Variants in NAALADL2 observed in about 807,000 individuals in gnomAD.
NAALADL2 encodes the protein N-acetylated alpha-linked acidic dipeptidase like 2, also known as inactive N-acetylated-alpha-linked acidic dipeptidase-like protein 2.
A neutral mutation model predicts 87.2 loss-of-function variants in NAALADL2; 76 were observed. The ratio of observed to expected loss-of-function variants is 0.87; its 90% CI spans 0.72 to 1.05. NAALADL2 has a LOEUF of 1.05. Among genes scored for constraint, NAALADL2 ranks in the 50% least tolerant of loss-of-function variants. NAALADL2 has a pLI of 0.00. For missense variants in NAALADL2, 1,089 were observed against 945.8 expected (o/e 1.15, Z -1.99); for synonymous variants, 354 against 331.0 (o/e 1.07, Z -0.75).
chr3:175,388,473 G>A (rs1410743716), intron 5 of NAALADL2, among the ~76,000 whole-genome samples: 1 of 152,100 alleles, frequency 6.6e-6, no homozygotes, highest in East Asian at 1.9e-4. Context: ...GATGTTGAGT[G>A]AAATTATATA....
chr3:174,808,178 A>T (rs915528002), intron 3 of NAALADL2, among the ~76,000 whole-genome samples: 2 of 152,152 alleles, frequency 1.3e-5, no homozygotes, highest in Non-Finnish European at 2.9e-5. Context: ...ATCATTTGCC[A>T]TGAACAAATT....
chr3:174,888,243 T>C (rs975264510), intron 1 of NAALADL2, among the ~76,000 whole-genome samples: 3 of 152,224 alleles, frequency 2.0e-5, no homozygotes, highest in Non-Finnish European at 2.9e-5. Flanking sequence ...CGTGGAAGAA[T>C]AGGCAGTGGC....
rs980853899 is a variant in NAALADL2, at chr3:174,667,521, T to C, written c.-114-70120T>C. 1.0e-4 allele frequency among the ~76,000 whole-genome samples: 15 copies of C among 148,712 alleles called. 1 individual carries two copies. The highest frequency in any genetic ancestry group is 3.7e-4 in the African/African-American group (15 of 40,778). ...TGGGCAGAAATGAGGTAGAGGTGGC[T>C]GAAAACTCTCCAGATGGGAGAGAGT... On this transcript the variant is annotated intron_variant, in intron 2 of 3. Transcript: ENST00000434257.
At chr3:174,941,300 G>A (rs1029166359) in intron 1 of NAALADL2, among the ~76,000 whole-genome samples, 3 of 152,070 alleles carry the variant, frequency 2.0e-5, no homozygotes, top group African/African-American at 7.2e-5. Context: ...TCATGTAATT[G>A]CATGATTTTA....
At chr3:174,875,112 C>CAAAA (rs10547300) in intron 1 of NAALADL2, among the ~76,000 whole-genome samples, 22 of 41,534 alleles carry the variant, frequency 5.3e-4, no homozygotes, top group East Asian at 2.6e-3. Flanking sequence ...GACCCTGTCT[C>CAAAA]AAAAAAAAAA....
Position 175,035,140 on chromosome 3 carries a change from T to A in NAALADL2, c.44-61650T>A, listed in dbSNP as rs1050977356. ...ATAACTTGCCATACTCAACTGGATC[T>A]GTGGGGATCTACTTGAACAGGTACA... On this transcript the variant is annotated intron_variant, in intron 1 of 13. Coordinates refer to ENST00000454872, the MANE Select transcript of NAALADL2 (RefSeq NM_207015.3). Among the ~76,000 whole-genome samples the A allele has an allele frequency of 2.0e-5, 3 of 152,192 alleles. No individual in the cohort carries two copies. In the South Asian group the frequency reaches 6.2e-4, roughly 32 times the overall value.
intron 2 of NAALADL2, among the ~76,000 whole-genome samples, chr3:174,642,657 G>A (rs919666501): frequency 6.6e-6 from 1 of 150,898 alleles, no homozygotes; most frequent in Admixed American, 6.6e-5. Flanking sequence ...CATTGTCAGA[G>A]ACCTCTTGCA....
At chr3:174,871,158 T>C (rs1579287307) in intron 1 of NAALADL2, among the ~76,000 whole-genome samples, 2 of 152,328 alleles carry the variant, frequency 1.3e-5, no homozygotes, top group South Asian at 2.1e-4. Flanking sequence ...ACAAAATACA[T>C]GTTAAAGAGG....
At chr3:175,693,883 C>T (rs530978319) in intron 11 of NAALADL2, among the ~76,000 whole-genome samples, 124 of 152,078 alleles carry the variant, frequency 8.2e-4, no homozygotes, top group Non-Finnish European at 1.3e-3. Flanking sequence ...ATTTTTAGTA[C>T]GTCGTTTCAC....
At chr3:174,526,567 CAT>C (rs1166002040) in intron 1 of NAALADL2, among the ~76,000 whole-genome samples, 3 of 151,996 alleles carry the variant, frequency 2.0e-5, no homozygotes, top group African/African-American at 7.3e-5. Flanking sequence ...GAATCACTTT[CAT>C]AATTTTTCCA....
intron 5 of NAALADL2, among the ~76,000 whole-genome samples, chr3:175,378,612 A>G (rs1171534765): frequency 6.6e-6 from 1 of 152,086 alleles, no homozygotes; most frequent in Non-Finnish European, 1.5e-5. Context: ...TGAAGCTCCC[A>G]CTTCCTTGTA....
chr3:174,912,100 C>T (rs1207130203), intron 1 of NAALADL2, among the ~76,000 whole-genome samples: 2 of 152,020 alleles, frequency 1.3e-5, no homozygotes, highest in African/African-American at 2.4e-5. Context: ...TGTAGCCTCT[C>T]TCTGACAATT....
chr3:174,442,843 C>T (rs1277534349), intron 1 of NAALADL2, among the ~76,000 whole-genome samples: 2 of 151,980 alleles, frequency 1.3e-5, no homozygotes, highest in East Asian at 3.9e-4. Context: ...ACCGGAAGTC[C>T]TCTGGAGAAG....
At chr3:174,660,897 A>C (rs1725441640) in intron 2 of NAALADL2, among the ~76,000 whole-genome samples, 1 of 152,078 alleles carries the variant, frequency 6.6e-6, no homozygotes, top group African/African-American at 2.4e-5. Flanking sequence ...ATTATGTTTG[A>C]GTCTGTTATT....
chr3:175,689,106 ATATAAG>A (rs912842115), intron 11 of NAALADL2, among the ~76,000 whole-genome samples: 59 of 152,286 alleles, frequency 3.9e-4, no homozygotes, highest in African/African-American at 9.6e-4. Flanking sequence ...AAAGGTTTTA[ATATAAG>A]TATATGTCAG....
chr3:175,186,000 G>A (rs1394092195), intron 2 of NAALADL2, among the ~76,000 whole-genome samples: 1 of 151,796 alleles, frequency 6.6e-6, no homozygotes, highest in Non-Finnish European at 1.5e-5. Context: ...TTTTGGAAAA[G>A]TCATCCAGTA....
intron 2 of NAALADL2, among the ~76,000 whole-genome samples, chr3:174,601,850 G>A (rs141577881): frequency 4.6e-5 from 7 of 152,068 alleles, no homozygotes; most frequent in East Asian, 1.9e-4. Context: ...GTCTAGTTTC[G>A]TTCTTCTGCA....
intron 2 of NAALADL2, among the ~76,000 whole-genome samples, chr3:174,621,769 G>C (rs2108668130): frequency 6.6e-6 from 1 of 152,220 alleles, no homozygotes. Flanking sequence ...TACTTACGCA[G>C]GGCCTTGTAT....
At chr3:175,230,785 G>A (rs964999011) in intron 2 of NAALADL2, among the ~76,000 whole-genome samples, 19 of 151,978 alleles carry the variant, frequency 1.3e-4, no homozygotes, top group Non-Finnish European at 1.2e-4. Context: ...AACTATTGGC[G>A]AGGAATGGAG....
Sources: allele counts gnomAD v4.1 joint callset (sites outside exome capture counted in the v4.1 genomes callset), GRCh38; gene constraint gnomAD v4.1.1; transcripts MANE v1.5; gene names NCBI Gene and HGNC (gene_info 2026-07-23, HGNC 2026-07-21).